The following LOXHD1 variants were observed in gnomAD, a reference collection of about 807,000 sequenced individuals.
LOXHD1 encodes lipoxygenase homology domain-containing protein 1.
A neutral mutation model predicts 248.2 loss-of-function variants in LOXHD1; 205 were observed. The observed-to-expected ratio is 0.83, with a 90% confidence interval of 0.74 to 0.93. The LOEUF (loss-of-function observed/expected upper bound fraction) is 0.93, where lower values mean the gene tolerates loss of function less well. LOXHD1 is among the 40% of genes least tolerant of loss of function. The pLI, the probability that LOXHD1 is intolerant of heterozygous loss-of-function variation, is 0.00. For synonymous variants in LOXHD1, 1,113 were observed against 1,162.8 expected (o/e 0.96, Z 0.87); for missense variants, 2,930 against 2,971.6 (o/e 0.99, Z 0.33).
rs907285510 is a variant in LOXHD1 at position 46,485,081 on chromosome 18, G to A, written c.6120C>T (p.Gly2040=). 14 of 1,550,252 alleles carry A rather than the reference G, an allele frequency of 9.0e-6. No homozygotes were observed. Among genetic ancestry groups the A allele is most frequent in the Non-Finnish European group, 1.2e-5 (14 of 1,146,678 alleles). The part of the protein sequence containing the change: ...TRENVWLILE[G]RKNRSKEFLM... ...GAAACTCTTTGGATCGGTTCTTCCT[G>A]CCCTCCAGGATGAGCCAGACGTTCT... The change falls in exon 39 of 41, where the codon GGC becomes GGT. Residue 2040 remains glycine (G), a synonymous_variant. Coordinates refer to ENST00000642948, the MANE Select transcript of LOXHD1 (RefSeq NM_001384474.1).
chr18:46,490,125 C>T (rs570037557), intron 37 of LOXHD1, among the ~76,000 whole-genome samples: 10 of 152,326 alleles, frequency 6.6e-5, no homozygotes, highest in African/African-American at 2.4e-4. Flanking sequence ...ACTCTCTTCT[C>T]TTCAAAGTCC....
At chr18:46,514,061 C>G (rs1224524213) in intron 34 of LOXHD1, among the ~76,000 whole-genome samples, 3 of 152,304 alleles carry the variant, frequency 2.0e-5, no homozygotes, top group Middle Eastern at 3.4e-3. Flanking sequence ...TGTGCATCCC[C>G]TACGAGACAT....
rs1215640336 is a variant in LOXHD1 at position 46,483,652 on chromosome 18, G to T, written c.6276C>A (p.Ile2092=). The part of the protein sequence containing the change: ...VGHLAREDRF[I]PKRELAWHVK... ...CATGCCAGGCAAGTTCTCTCTTGGG[G>T]ATAAACCGGTCTTCCCTGGCAAGGT... Residue 2092 remains isoleucine (I), a synonymous_variant, in exon 40 of 41, where the codon ATC becomes ATA. Coordinates refer to ENST00000642948, the MANE Select transcript of LOXHD1 (RefSeq NM_001384474.1). The T allele has an allele frequency of 6.4e-7, 1 of 1,551,580 alleles. No homozygotes were observed.
At chr18:46,533,730 C>A in intron 27 of LOXHD1, 1 of 334,414 alleles carries the variant, frequency 3.0e-6, no homozygotes, top group South Asian at 2.4e-5. Context: ...TCAAGACCAG[C>A]TTGGCCAACA....
intron 5 of LOXHD1, among the ~76,000 whole-genome samples, chr18:46,615,670 T>C (rs1007243761): frequency 6.6e-6 from 1 of 152,200 alleles, no homozygotes; most frequent in African/African-American, 2.4e-5. Flanking sequence ...TCTCTACCAG[T>C]TGGATGCAGT....
chr18:46,525,593 C>A (rs1316968939), intron 29 of LOXHD1, among the ~76,000 whole-genome samples: 1 of 152,084 alleles, frequency 6.6e-6, no homozygotes, highest in Non-Finnish European at 1.5e-5. Flanking sequence ...AGTGGACATT[C>A]CACTCTTGTG....
chr18:46,488,933 C>A, intron 38 of LOXHD1, 39 bp downstream of exon 38: 1 of 1,537,524 alleles, frequency 6.5e-7, no homozygotes, highest in East Asian at 2.5e-5. Flanking sequence ...CAGCACCATT[C>A]CCTGCCTCCC....
At chr18:46,626,160 G>A (rs1353388527) in intron 4 of LOXHD1, among the ~76,000 whole-genome samples, 1 of 152,126 alleles carries the variant, frequency 6.6e-6, no homozygotes, top group African/African-American at 2.4e-5. Flanking sequence ...TGTTAATACT[G>A]ACAAAAAATA....
chr18:46,543,162 C>T (rs963688478), intron 23 of LOXHD1, among the ~76,000 whole-genome samples: 1 of 152,158 alleles, frequency 6.6e-6, no homozygotes, highest in African/African-American at 2.4e-5. Flanking sequence ...TATCCCTCAT[C>T]CCCTTCCCAA....
intron 22 of LOXHD1, 56 bp from the exon 23 acceptor site, chr18:46,545,477 AGGAAAGAGG>A: frequency 5.9e-6 from 8 of 1,362,064 alleles, no homozygotes; most frequent in African/African-American, 2.9e-5. Flanking sequence ...TCATGAAAGG[AGGAAAGAGG>A]ACAGCCACCT....
chr18:46,656,881 C>A (rs760001627), intron 1 of LOXHD1, 23 bp downstream of exon 1: 9 of 1,549,552 alleles, frequency 5.8e-6, no homozygotes, highest in African/African-American at 1.4e-5. Context: ...ACCACCCGCC[C>A]CCCGCAGGCT....
At chr18:46,645,186 A>C (rs2039013570) in intron 2 of LOXHD1, among the ~76,000 whole-genome samples, 1 of 152,238 alleles carries the variant, frequency 6.6e-6, no homozygotes, top group African/African-American at 2.4e-5. Flanking sequence ...TGTGGGTTTC[A>C]GAAAACTGGG....
rs34975318 is a variant in LOXHD1 at position 46,505,186 on chromosome 18, CT to C, written c.5878+651del. Among the ~76,000 whole-genome samples, 522 of 144,812 alleles carry C rather than the reference CT, an allele frequency of 3.6e-3. 2 individuals carry two copies. The highest frequency in any genetic ancestry group is 7.4e-3 in the East Asian group (37 of 5,006). On this transcript the variant is annotated intron_variant, in intron 37 of 40. Transcript: ENST00000642948. ...TATGAATAAACAAGCATAATCCCTT[CT>C]TTTTTTTTTTTTGAGACAGGTTCTC...
At chr18:46,555,258 AT>A (rs549276493) in intron 21 of LOXHD1, 83 of 461,308 alleles carry the variant, frequency 1.8e-4, no homozygotes, top group African/African-American at 1.4e-3. Flanking sequence ...GGCTGGCAAC[AT>A]TAAGCCCATT....
chr18:46,587,844 C>T (rs1465903880), intron 12 of LOXHD1, among the ~76,000 whole-genome samples: 2 of 152,116 alleles, frequency 1.3e-5, no homozygotes, highest in Non-Finnish European at 2.9e-5. Context: ...AAATTGTGAG[C>T]TGGCATGTGT....
At chr18:46,552,979 T>C (rs755546903) in intron 21 of LOXHD1, among the ~76,000 whole-genome samples, 4 of 152,230 alleles carry the variant, frequency 2.6e-5, no homozygotes, top group Non-Finnish European at 5.9e-5. Context: ...ACAAGGCTGC[T>C]GCTCATGAAG....
intron 19 of LOXHD1, 59 bp downstream of exon 19, chr18:46,560,024 C>T: frequency 6.6e-7 from 1 of 1,509,422 alleles, no homozygotes; most frequent in African/African-American, 1.4e-5. Context: ...CAGTGGGCCC[C>T]CTTTAGGGGA....
intron 29 of LOXHD1, among the ~76,000 whole-genome samples, chr18:46,528,585 G>A (rs1294674536): frequency 6.6e-6 from 1 of 152,146 alleles, no homozygotes; most frequent in Admixed American, 6.5e-5. Context: ...AGGTCAAAGT[G>A]GATCCACCTG....
intron 2 of LOXHD1, among the ~76,000 whole-genome samples, chr18:46,644,475 C>T (rs553409011): frequency 1.4e-4 from 21 of 152,192 alleles, no homozygotes; most frequent in Admixed American, 2.6e-4. Context: ...CACAGTGCCT[C>T]GAGAGGCCAA....
Sources: gnomAD v4.1 joint callset for allele counts (sites outside exome capture counted in the v4.1 genomes callset) on GRCh38, gnomAD v4.1.1 for gene constraint, MANE v1.5 for transcripts, NCBI Gene and HGNC (gene_info 2026-07-23, HGNC 2026-07-21) for gene names.